UTRN: variants seen among roughly 807,000 people sequenced by gnomAD.
The protein encoded by UTRN is dystrophin-related protein 1.
UTRN carries 283 observed loss-of-function variants against 463.9 expected under a neutral mutation model. That is an observed-to-expected ratio of 0.61 (90% CI 0.55 to 0.67). The LOEUF is 0.67. UTRN is among the 30% of genes least tolerant of loss of function. The pLI is 0.00. For missense variants in UTRN, 3,922 were observed against 4,084.3 expected (o/e 0.96, Z 1.08); for synonymous variants, 1,442 against 1,431.5 (o/e 1.01, Z -0.17).
chr6:144,521,150 A>G (rs970312436), intron 39 of UTRN, among the ~76,000 whole-genome samples: 2 of 152,062 alleles, frequency 1.3e-5, no homozygotes, highest in Non-Finnish European at 2.9e-5. Context: ...GCTGGGCATG[A>G]TGGTGCATGC....
chr6:144,376,013 G>T (rs971573779), intron 2 of UTRN, among the ~76,000 whole-genome samples: 3 of 151,802 alleles, frequency 2.0e-5, no homozygotes, highest in Non-Finnish European at 2.9e-5. Flanking sequence ...TTTGAGACAG[G>T]GTTTCACTCT....
At chr6:144,371,291 A>G (rs1386405443) in intron 2 of UTRN, among the ~76,000 whole-genome samples, 1 of 152,226 alleles carries the variant, frequency 6.6e-6, no homozygotes, top group Non-Finnish European at 1.5e-5. Context: ...ATTCCTTTCC[A>G]TGCCAGTATT....
At chr6:144,353,113 T>C (rs1373122511) in intron 2 of UTRN, among the ~76,000 whole-genome samples, 1 of 151,928 alleles carries the variant, frequency 6.6e-6, no homozygotes, top group Non-Finnish European at 1.5e-5. Flanking sequence ...CAGCTCATTT[T>C]TCGGATTTTT....
intron 2 of UTRN, among the ~76,000 whole-genome samples, chr6:144,369,878 A>G (rs112536393): frequency 0.029 from 4,422 of 152,306 alleles, 208 homozygotes; most frequent in African/African-American, 0.099. Context: ...GCCTGCCACC[A>G]TGTAAGACAT....
At chr6:144,713,686 T>G (rs1586166844) in intron 53 of UTRN, among the ~76,000 whole-genome samples, 1 of 151,670 alleles carries the variant, frequency 6.6e-6, no homozygotes, top group Non-Finnish European at 1.5e-5. Flanking sequence ...TTTGGGAGGC[T>G]GAGGTGGGTG....
chr6:144,685,338 A>G (rs747891925), intron 52 of UTRN, among the ~76,000 whole-genome samples: 4 of 152,190 alleles, frequency 2.6e-5, no homozygotes, highest in Admixed American at 6.5e-5. Context: ...TGTGATAAAC[A>G]TACGAGTGCC....
chr6:144,732,243 T>TATATATATATATATATAC (rs1788671261), intron 54 of UTRN, among the ~76,000 whole-genome samples: 19 of 100,992 alleles, frequency 1.9e-4, no homozygotes, highest in South Asian at 1.3e-3. Context: ...TATATACATA[T>TATATATATATATATATAC]ATATATATAT....
In UTRN at chr6:144,485,334, T is replaced by G. The variant is rs557766965; in HGVS notation, c.3688-51T>G. The G allele has an allele frequency of 1.4e-5, 22 of 1,610,290 alleles. No individual in the cohort carries two copies. The South Asian group carries it at 2.4e-4, about 18-fold the overall frequency. Reference sequence around the variant, plus strand: ...TAAAGAGAATGTGTAGTACTAGAGATACGATGTGTGAAATGGCTTTTTGTC... The same window carrying G: ...TAAAGAGAATGTGTAGTACTAGAGAGACGATGTGTGAAATGGCTTTTTGTC... On this transcript the variant is annotated intron_variant, in intron 27 of 74. Transcript: ENST00000367545.
At chr6:144,802,565 C>A (rs538023669) in intron 64 of UTRN, among the ~76,000 whole-genome samples, 1 of 152,158 alleles carries the variant, frequency 6.6e-6, no homozygotes, top group Non-Finnish European at 1.5e-5. Context: ...GTCATTCTTA[C>A]GCCAGAGATT....
intron 51 of UTRN, among the ~76,000 whole-genome samples, chr6:144,598,783 GA>G (rs1803926396): frequency 6.6e-6 from 1 of 152,154 alleles, no homozygotes; most frequent in Non-Finnish European, 1.5e-5. Context: ...CCAAAGAGAG[GA>G]AGTTATAATG....
chr6:144,830,730 T>C (rs550914022), intron 69 of UTRN, among the ~76,000 whole-genome samples: 2 of 106,992 alleles, frequency 1.9e-5, no homozygotes, highest in Non-Finnish European at 4.3e-5. Context: ...TTGTTTTTTG[T>C]TTTTTTTTTG....
chr6:144,656,375 A>G (rs1193980290), intron 51 of UTRN, among the ~76,000 whole-genome samples: 1 of 152,232 alleles, frequency 6.6e-6, no homozygotes, highest in East Asian at 1.9e-4. Flanking sequence ...TAGGTATATT[A>G]CCAAGATGAT....
At chr6:144,565,082 A>G (rs1314561534) in intron 50 of UTRN, among the ~76,000 whole-genome samples, 5 of 152,174 alleles carry the variant, frequency 3.3e-5, no homozygotes, top group Non-Finnish European at 5.9e-5. Context: ...TGGCTACTGT[A>G]TGCCAGCAAT....
At chr6:144,845,827 C>A (rs1375740757) in intron 73 of UTRN, among the ~76,000 whole-genome samples, 1 of 152,142 alleles carries the variant, frequency 6.6e-6, no homozygotes, top group Non-Finnish European at 1.5e-5. Context: ...TACCGGGCCT[C>A]ACACTTTCCC....
chr6:144,699,953 G>A, intron 52 of UTRN, 134 bp from the exon 53 acceptor site: 2 of 554,214 alleles, frequency 3.6e-6, no homozygotes, highest in Non-Finnish European at 2.7e-6. Flanking sequence ...TATTTACAAG[G>A]AGTCAGTCTC....
At chr6:144,588,440 A>G (rs2128630352) in intron 51 of UTRN, among the ~76,000 whole-genome samples, 1 of 152,332 alleles carries the variant, frequency 6.6e-6, no homozygotes, top group Admixed American at 6.5e-5. Flanking sequence ...AATAACTAAT[A>G]CATTCTATAA....
intron 52 of UTRN, among the ~76,000 whole-genome samples, chr6:144,695,465 TC>T (rs200903084): frequency 0.034 from 5,193 of 151,950 alleles, 112 homozygotes; most frequent in African/African-American, 0.044. Context: ...TGCCTCAGCC[TC>T]CCAAGTAGCT....
intron 54 of UTRN, among the ~76,000 whole-genome samples, chr6:144,744,861 C>T (rs1394456869): frequency 6.6e-6 from 1 of 152,170 alleles, no homozygotes; most frequent in African/African-American, 2.4e-5. Context: ...TCTGTGTTGA[C>T]ACAAGAACCC....
At chr6:144,656,420 CTT>C (rs1281640248) in intron 51 of UTRN, among the ~76,000 whole-genome samples, 1 of 152,132 alleles carries the variant, frequency 6.6e-6, no homozygotes, top group Non-Finnish European at 1.5e-5. Context: ...AGAAAGTACT[CTT>C]TGTTTTGAGA....
Sources: allele counts gnomAD v4.1 joint callset (sites outside exome capture counted in the v4.1 genomes callset), GRCh38; gene constraint gnomAD v4.1.1; transcripts MANE v1.5; gene names NCBI Gene and HGNC (gene_info 2026-07-23, HGNC 2026-07-21).